The following PIK3C2G variants were observed in gnomAD, a reference collection of about 807,000 sequenced individuals.
PIK3C2G encodes phosphatidylinositol 3-kinase C2 domain-containing subunit gamma.
A neutral mutation model predicts 181.1 loss-of-function variants in PIK3C2G; 168 were observed. The observed-to-expected ratio is 0.93, with a 90% CI of 0.82 to 1.05. The LOEUF (loss-of-function observed/expected upper bound fraction) is 1.05. Among genes scored for constraint, PIK3C2G ranks in the 50% least tolerant of loss-of-function variants. The pLI is 0.00. For missense variants in PIK3C2G, 1,869 were observed against 1,732.8 expected (o/e 1.08, Z -1.40); for synonymous variants, 573 against 592.2 (o/e 0.97, Z 0.47).
intron 18 of PIK3C2G, among the ~76,000 whole-genome samples, chr12:18,465,524 A>T (rs1937770822): frequency 1.3e-5 from 2 of 151,814 alleles, no homozygotes; most frequent in Non-Finnish European, 1.5e-5. Context: ...TATTTTCTAA[A>T]ACAACTTTAG....
intron 1 of PIK3C2G, among the ~76,000 whole-genome samples, chr12:18,273,929 A>G (rs1450358533): frequency 5.3e-5 from 8 of 152,188 alleles, no homozygotes; most frequent in Admixed American, 4.6e-4. Flanking sequence ...AATATCCAGA[A>G]TCTACAATGA....
chr12:18,580,131 CAAA>C (rs34226663), intron 29 of PIK3C2G, among the ~76,000 whole-genome samples: 3 of 106,350 alleles, frequency 2.8e-5, no homozygotes, highest in African/African-American at 1.1e-4. Context: ...GACTCTGTCT[CAAA>C]AAAAAAAAAA....
At chr12:18,270,597 G>GTA (rs1295943425) in intron 1 of PIK3C2G, among the ~76,000 whole-genome samples, 1 of 152,130 alleles carries the variant, frequency 6.6e-6, no homozygotes, top group East Asian at 1.9e-4. Flanking sequence ...TCTATAAAAT[G>GTA]TAGGCTAGCT....
chr12:18,280,897 C>T (rs1022084048), intron 1 of PIK3C2G, among the ~76,000 whole-genome samples: 2 of 151,824 alleles, frequency 1.3e-5, no homozygotes, highest in African/African-American at 4.8e-5. Context: ...TTATGTAGTA[C>T]ATCCTACAAG....
intron 8 of PIK3C2G, among the ~76,000 whole-genome samples, chr12:18,333,873 G>T (rs1938234819): frequency 6.6e-6 from 1 of 152,046 alleles, no homozygotes; most frequent in African/African-American, 2.4e-5. Flanking sequence ...ATACTGCTTT[G>T]GTCTCCATCA....
intron 3 of PIK3C2G, among the ~76,000 whole-genome samples, chr12:18,287,550 A>C (rs539888137): frequency 2.6e-5 from 4 of 152,284 alleles, no homozygotes; most frequent in African/African-American, 9.6e-5. Context: ...GGGTTTCTGA[A>C]AGTTTTGAAA....
intron 6 of PIK3C2G, among the ~76,000 whole-genome samples, chr12:18,317,811 T>C (rs1273397757): frequency 2.0e-5 from 3 of 152,226 alleles, no homozygotes; most frequent in Non-Finnish European, 2.9e-5. Flanking sequence ...TTTAGGCAAA[T>C]TGTTAAATCT....
At chr12:18,628,703 G>A (rs1182989746) in intron 31 of PIK3C2G, among the ~76,000 whole-genome samples, 2 of 152,196 alleles carry the variant, frequency 1.3e-5, no homozygotes, top group African/African-American at 2.4e-5. Flanking sequence ...TGAATTCTAA[G>A]AAGATCCTAA....
the PIK3C2G span, among the ~76,000 whole-genome samples, chr12:18,724,250 T>C: frequency 1.1e-4 from 16 of 151,868 alleles, no homozygotes; most frequent in Admixed American, 3.3e-4. Context: ...AGGTGGTGAA[T>C]AGACACTAAA....
intron 29 of PIK3C2G, among the ~76,000 whole-genome samples, chr12:18,578,754 A>G (rs1946350058): frequency 6.6e-6 from 1 of 152,150 alleles, no homozygotes; most frequent in Non-Finnish European, 1.5e-5. Context: ...TGTAGTCTAT[A>G]TGCCATAAAT....
At chr12:18,357,039 T>G (rs1940807301) in intron 11 of PIK3C2G, among the ~76,000 whole-genome samples, 2 of 152,100 alleles carry the variant, frequency 1.3e-5, no homozygotes, top group Non-Finnish European at 2.9e-5. Flanking sequence ...CCAAACTCTT[T>G]CATTCTAATT....
chr12:18,650,306 TC>T (rs1225904186), downstream of PIK3C2G, among the ~76,000 whole-genome samples: 36 of 74,928 alleles, frequency 4.8e-4, no homozygotes, highest in African/African-American at 2.8e-3. Context: ...TCTCTCTCTC[TC>T]TCTCTCTCTC....
Position 18,282,433 on chromosome 12 carries a change from CAA to C in PIK3C2G, c.355_356del (p.Asn119TyrfsTer3). ...TAGTCCTTCTGTGTTACCAAAACCT[CAA>C]AATACGAATAAAGAATGCTCCTGGG... ...GFSPSVLPKP[Q>X]NTNKECSWGS... is the part of the protein sequence containing the mutation. On this transcript the variant is annotated frameshift_variant, in exon 2 of 33. Coordinates refer to ENST00000538779, the MANE Select transcript of PIK3C2G (RefSeq NM_001288772.2). LOFTEE classifies it high-confidence loss of function. The C allele has an allele frequency of 6.2e-7, 1 of 1,611,764 alleles. No individual in the cohort carries two copies. The highest frequency in any genetic ancestry group is 1.1e-5 in the South Asian group (1 of 90,984).
chr12:18,280,862 AG>A (rs34267981), intron 1 of PIK3C2G, among the ~76,000 whole-genome samples: 52,664 of 151,754 alleles, frequency 0.35, 9,611 homozygotes, highest in Non-Finnish European at 0.41. Flanking sequence ...ATAGACAGAG[AG>A]GGGAAGATAG....
chr12:18,307,387 AC>A (rs1950462992), intron 5 of PIK3C2G, among the ~76,000 whole-genome samples: 2 of 151,760 alleles, frequency 1.3e-5, no homozygotes, highest in African/African-American at 4.8e-5. Flanking sequence ...AAAAGCCTAA[AC>A]TTTTTATTGT....
intron 24 of PIK3C2G, among the ~76,000 whole-genome samples, chr12:18,521,285 G>A (rs1396504939): frequency 1.3e-5 from 2 of 152,210 alleles, no homozygotes; most frequent in African/African-American, 2.4e-5. Flanking sequence ...TGGTAGAAGG[G>A]TTGTGCTTCA....
At chr12:18,286,808 T>C (rs369395694) in intron 2 of PIK3C2G, 39 bp from the exon 3 acceptor site, 1 of 1,050,870 alleles carries the variant, frequency 9.5e-7, no homozygotes, top group Non-Finnish European at 1.4e-6. Context: ...ATAGTTTCTC[T>C]TCTCCAAATT....
intron 30 of PIK3C2G, among the ~76,000 whole-genome samples, chr12:18,597,661 G>C (rs1294669204): frequency 1.3e-5 from 2 of 152,024 alleles, no homozygotes; most frequent in Non-Finnish European, 2.9e-5. Context: ...AATTAGACAG[G>C]AGAAGGAAAT....
chr12:18,581,711 T>G (rs896276770), intron 29 of PIK3C2G, among the ~76,000 whole-genome samples: 1 of 152,214 alleles, frequency 6.6e-6, no homozygotes, highest in South Asian at 2.1e-4. Flanking sequence ...GGTGGATTCA[T>G]GTATCTCAAG....
Sources: allele counts gnomAD v4.1 joint callset (sites outside exome capture counted in the v4.1 genomes callset), GRCh38; gene constraint gnomAD v4.1.1; transcripts MANE v1.5; gene names NCBI Gene and HGNC (gene_info 2026-07-23, HGNC 2026-07-21).